The following LPCAT1 variants were observed in gnomAD, a reference collection of about 807,000 sequenced individuals.
LPCAT1 encodes the protein 1-acylglycerol-3-phosphate O-acyltransferase.
A neutral mutation model predicts 60.9 loss-of-function variants in LPCAT1; 23 were observed. The ratio of observed to expected loss-of-function variants is 0.38; its 90% CI spans 0.27 to 0.53. The LOEUF (loss-of-function observed/expected upper bound fraction) is 0.53, where lower values mean the gene tolerates loss of function less well. LPCAT1 is among the 20% of genes least tolerant of loss of function. The probability of loss-of-function intolerance (pLI) is 0.82; values close to 1 mark genes in which losing one functional copy is unlikely to be tolerated. For synonymous variants in LPCAT1, 340 were observed against 301.1 expected (o/e 1.13, Z -1.34); for missense variants, 622 against 723.6 (o/e 0.86, Z 1.61).
rs1378914901 is a variant in LPCAT1 at position 1,491,336 on chromosome 5, G to A, written c.494-1478C>T. ...GGCCAAAGCGTCCCATGGTCGTCCC[G>A]GGGCACACGGGGTCTGGAGATGCCA... is the stretch of plus-strand genomic sequence containing the variant. On this transcript the variant is annotated intron_variant, in intron 3 of 13. Transcript: ENST00000283415. Among the ~76,000 whole-genome samples the A allele has an allele frequency of 5.4e-5, 6 of 111,762 alleles. No homozygotes were observed. The East Asian group carries it at 6.4e-4, about 12-fold the overall frequency. The allele number at this position is 111,762 out of a possible 152,430, so 73.3% of individuals were successfully genotyped here.
In LPCAT1 at chr5:1,495,364, C is replaced by A. The variant is rs538598153; in HGVS notation, c.279-450G>T. 4.0e-5 allele frequency among the ~76,000 whole-genome samples: 6 copies of A among 151,724 alleles called. No individual in the cohort carries two copies. The highest frequency in any genetic ancestry group is 1.5e-4 in the African/African-American group (6 of 41,266). ...GGGCGCTCAGAGCTGAGGGCGGAAG[C>A]TGAGACCTGCGTGCGAACTTCCCCA... On this transcript the variant is annotated intron_variant, in intron 2 of 13. Transcript: ENST00000283415. The surrounding 1 kb of genome is among the most constrained non-coding windows in gnomAD (Gnocchi z 4.7).
At chr5:1,500,324 TGGCA>T (rs1355895602) in intron 2 of LPCAT1, among the ~76,000 whole-genome samples, 2 of 152,284 alleles carry the variant, frequency 1.3e-5, no homozygotes, top group African/African-American at 4.8e-5. Flanking sequence ...CATTTGCTAA[TGGCA>T]GATACTTTCA....
chr5:1,513,950 C>A (rs1043026595), intron 1 of LPCAT1, among the ~76,000 whole-genome samples: 1 of 151,814 alleles, frequency 6.6e-6, no homozygotes, highest in East Asian at 1.9e-4. Context: ...TCCATTTCCA[C>A]AGGCTCTCAC....
chr5:1,520,656 C>T (rs1443496191), intron 1 of LPCAT1, among the ~76,000 whole-genome samples: 2 of 151,798 alleles, frequency 1.3e-5, no homozygotes, highest in African/African-American at 2.4e-5. Context: ...GTCAGGAGAT[C>T]GAGACCATCC....
At position 1,502,691 on chromosome 5, in the gene LPCAT1, T is replaced by G. The variant is rs552734816; in HGVS notation, c.136-1088A>C. Among the ~76,000 whole-genome samples the G allele has an allele frequency of 6.6e-6, 1 of 151,934 alleles. No homozygotes were observed. The highest frequency in any genetic ancestry group is 2.1e-4 in the South Asian group (1 of 4,802). On this transcript the variant is annotated intron_variant, in intron 1 of 13. Transcript: ENST00000283415. This position sits in a 1 kb window ranked among gnomAD's most constrained non-coding sequence, Gnocchi z 5.5. ...GGAAACACCAGTCCTGAGGTGCAGG[T>G]TTAGTGCAGAGACAGAAAAGACCCA...
chr5:1,480,313 G>A lies in LPCAT1; in HGVS notation c.761+629C>T, dbSNP rs780999942. On this transcript the variant is annotated intron_variant, in intron 7 of 13. Transcript: ENST00000283415. The surrounding 1 kb of genome is among the most constrained non-coding windows in gnomAD (Gnocchi z 6.4). ...AGCGCTGACCTCAACACCTTCACCT[G>A]AAAGCACCAGCGGACCCACATCCTC... 1.3e-4 allele frequency: 125 copies of A among 984,440 alleles called. No individual in the cohort carries two copies. Among genetic ancestry groups the A allele is most frequent in the Non-Finnish European group, 1.5e-4 (121 of 829,710 alleles). The allele number at this position is 984,440 out of a possible 1,614,324, so 61.0% of individuals were successfully genotyped here.
Position 1,507,419 on chromosome 5 carries a change from G to A in LPCAT1, c.136-5816C>T, listed in dbSNP as rs371902164. The stretch of plus-strand genomic sequence containing the variant: ...GCTGAGTTACTTCAACTATTTGAAA[G>A]TTGGCTACGATAAACCAAGGCGTCC... On this transcript the variant is annotated intron_variant, in intron 1 of 13. Coordinates refer to ENST00000283415, the MANE Select transcript of LPCAT1 (RefSeq NM_024830.5). 1.6e-4 allele frequency among the ~76,000 whole-genome samples: 25 copies of A among 152,386 alleles called. No individual in the cohort carries two copies. In the South Asian group the frequency reaches 4.1e-3, roughly 25 times the overall value.
Position 1,502,845 on chromosome 5 carries a change from G to A in LPCAT1, c.136-1242C>T, listed in dbSNP as rs1315790283. On this transcript the variant is annotated intron_variant, in intron 1 of 13. Transcript: ENST00000283415. The surrounding 1 kb of genome is among the most constrained non-coding windows in gnomAD (Gnocchi z 5.5). The stretch of plus-strand genomic sequence containing the variant: ...TCTTTTGAGTTCTCAACGGAGACCA[G>A]CATAGCCCAAGAGAAACATGCCTGC... 1.3e-5 allele frequency among the ~76,000 whole-genome samples: 2 copies of A among 152,152 alleles called. No individual in the cohort carries two copies. Among genetic ancestry groups the A allele is most frequent in the Non-Finnish European group, 2.9e-5 (2 of 68,042 alleles).
At chr5:1,491,626 G>T (rs1735587274) in intron 3 of LPCAT1, among the ~76,000 whole-genome samples, 1 of 152,210 alleles carries the variant, frequency 6.6e-6, no homozygotes, top group Non-Finnish European at 1.5e-5. Context: ...CTCCCCGGGA[G>T]CCCTGAGGAG....
Position 1,522,476 on chromosome 5 carries a change from C to G in LPCAT1, c.135+1234G>C, listed in dbSNP as rs1042986014. ...GGAGACGGGGGCCAGGGCCTGGGAGCCAGGCTGGGGACGACCTCACCCTGT... is the reference window on the plus strand; with the variant it reads ...GGAGACGGGGGCCAGGGCCTGGGAGGCAGGCTGGGGACGACCTCACCCTGT... On this transcript the variant is annotated intron_variant, in intron 1 of 13. Transcript: ENST00000283415. The surrounding 1 kb of genome is among the most constrained non-coding windows in gnomAD (Gnocchi z 6.8). Among the ~76,000 whole-genome samples, 3 of 152,114 alleles carry G rather than the reference C, an allele frequency of 2.0e-5. No homozygotes were observed. The highest frequency in any genetic ancestry group is 4.4e-5 in the Non-Finnish European group (3 of 68,018).
intron 2 of LPCAT1, among the ~76,000 whole-genome samples, chr5:1,499,724 G>A (rs949238431): frequency 2.0e-5 from 3 of 152,172 alleles, no homozygotes; most frequent in East Asian, 3.9e-4. Flanking sequence ...GACCCCCAAC[G>A]CCCAGGCTGC....
intron 2 of LPCAT1, among the ~76,000 whole-genome samples, chr5:1,500,784 G>A (rs1263404572): frequency 2.0e-5 from 3 of 152,266 alleles, no homozygotes; most frequent in East Asian, 3.8e-4. Context: ...AATAAGACCA[G>A]GTTGGCAGGA....
At position 1,501,503 on chromosome 5, in the gene LPCAT1, G is replaced by A. The variant is rs753194354; in HGVS notation, c.236C>T (p.Ser79Phe). Reference protein sequence around the residue: ...WPLALVASLGSAEKEPEQPPA... With the variant: ...WPLALVASLGFAEKEPEQPPA... The stretch of plus-strand genomic sequence containing the variant: ...GGGCTGCTCGGGTTCCTTCTCCGCA[G>A]AGCCCAGGGATGCGACAAGTGCGAG... Residue 79 changes from serine to phenylalanine, a missense_variant, in exon 2 of 14, where the codon TCT (serine) becomes TTT (phenylalanine). Ser to Phe is a radical substitution (Grantham distance 155). This residue lies in a region of LPCAT1 where 125 missense variants were observed against 114.5 expected (regional missense o/e 1.09). Coordinates refer to ENST00000283415, the MANE Select transcript of LPCAT1 (RefSeq NM_024830.5). The A allele has an allele frequency of 4.8e-5, 77 of 1,613,680 alleles. No individual in the cohort carries two copies. In the Middle Eastern group the frequency reaches 2.0e-3, roughly 42 times the overall value.
At position 1,463,379 on chromosome 5, in the gene LPCAT1, C is replaced by A. The variant is rs531360412; in HGVS notation, c.*272G>T. The A allele has an allele frequency of 1.1e-4, 51 of 456,572 alleles. No individual in the cohort carries two copies. The highest frequency in any genetic ancestry group is 8.4e-4 in the African/African-American group (42 of 50,018). The allele number at this position is 456,572 out of a possible 1,614,324, so 28.3% of individuals were successfully genotyped here. On this transcript the variant is annotated 3_prime_UTR_variant, in exon 14 of 14. Coordinates refer to ENST00000283415, the MANE Select transcript of LPCAT1 (RefSeq NM_024830.5). ...GGAGAACACGGGGCGGCACCGGTGC[C>A]CCCCGCCCGGCAGGGAACCTGACCC...
intron 5 of LPCAT1, among the ~76,000 whole-genome samples, chr5:1,485,932 C>T (rs72717530): frequency 0.11 from 17,149 of 152,320 alleles, 1,320 homozygotes; most frequent in Middle Eastern, 0.18. Context: ...TCTGCATCCT[C>T]GGGCTGTCAG....
rs1261123292 is a variant in LPCAT1, at chr5:1,523,477, G to A, written c.135+233C>T. Among the ~76,000 whole-genome samples the A allele has an allele frequency of 6.6e-6, 1 of 151,662 alleles. No individual in the cohort carries two copies. The highest frequency in any genetic ancestry group is 1.5e-5 in the Non-Finnish European group (1 of 67,866). On this transcript the variant is annotated intron_variant, in intron 1 of 13. Transcript: ENST00000283415. This position sits in a 1 kb window ranked among gnomAD's most constrained non-coding sequence, Gnocchi z 7.1. ...GCGGGGACCCCGAGGAAGGCGCTGA[G>A]GGACCAGGATGCGCGTGCGGGCGGC...
chr5:1,512,965 C>T (rs989989431), intron 1 of LPCAT1, among the ~76,000 whole-genome samples: 12 of 152,210 alleles, frequency 7.9e-5, no homozygotes, highest in Non-Finnish European at 1.2e-4. Context: ...TGGCACGCGC[C>T]GGCATCCTGG....
intron 13 of LPCAT1, among the ~76,000 whole-genome samples, chr5:1,464,819 T>C (rs1296727892): frequency 1.4e-5 from 2 of 140,272 alleles, no homozygotes; most frequent in African/African-American, 2.7e-5. Flanking sequence ...ACACACACGG[T>C]AATCACACAT....
chr5:1,515,638 G>A (rs1257573520), intron 1 of LPCAT1, among the ~76,000 whole-genome samples: 3 of 144,082 alleles, frequency 2.1e-5, no homozygotes, highest in East Asian at 4.1e-4. Context: ...TCCCACTGCC[G>A]CCCACACACA....
Sources: gnomAD v4.1 joint callset for allele counts (sites outside exome capture counted in the v4.1 genomes callset) on GRCh38, gnomAD v4.1.1 for gene constraint, gnomAD v4.1.1 regional missense constraint, Gnocchi (gnomAD v3.1) non-coding constraint, MANE v1.5 for transcripts, NCBI Gene and HGNC (gene_info 2026-07-23, HGNC 2026-07-21) for gene names.